Variants in PDE12 observed in about 807,000 individuals in gnomAD.
The protein encoded by PDE12 is phosphodiesterase 12, also known as 2',5'-phosphodiesterase 12.
Under a neutral mutation model 45.4 loss-of-function variants are expected in PDE12, and 26 were observed. That is an observed-to-expected ratio of 0.57 (90% CI 0.42 to 0.79). PDE12 has a LOEUF of 0.79. Ranked by LOEUF, PDE12 falls within the 30% of genes least tolerant of loss-of-function variation. PDE12 has a pLI of 0.00. For synonymous variants in PDE12, 283 were observed against 323.9 expected (o/e 0.87, Z 1.36); for missense variants, 668 against 790.0 (o/e 0.85, Z 1.85).
At chr3:57,632,729 C>A in the PDE12 span, among the ~76,000 whole-genome samples, 1 of 152,134 alleles carries the variant, frequency 6.6e-6, no homozygotes, top group African/African-American at 2.4e-5. Context: ...AATATGACAT[C>A]CTTCTGAATT....
chr3:57,626,775 A>AC, the PDE12 span: 1 of 152,512 alleles, frequency 6.6e-6, no homozygotes, highest in East Asian at 1.9e-4. Context: ...ACCCTACTCT[A>AC]CCAAATCACA....
chr3:57,637,377 A>G, the PDE12 span, among the ~76,000 whole-genome samples: 1 of 152,240 alleles, frequency 6.6e-6, no homozygotes, highest in Admixed American at 6.5e-5. Flanking sequence ...CAATCCCTTT[A>G]TATCAGGAGG....
At chr3:57,588,465 T>C in the PDE12 span, among the ~76,000 whole-genome samples, 3 of 152,192 alleles carry the variant, frequency 2.0e-5, no homozygotes, top group Admixed American at 6.5e-5. Flanking sequence ...CCCAGCATGT[T>C]GGGAGGCTGA....
At chr3:57,622,388 C>T in the PDE12 span, among the ~76,000 whole-genome samples, 9 of 152,204 alleles carry the variant, frequency 5.9e-5, no homozygotes, top group South Asian at 1.7e-3. Flanking sequence ...CAATACAGTA[C>T]CTATTAGAAT....
At chr3:57,591,253 TGTTCATGAATGTTGAA>T in the PDE12 span, among the ~76,000 whole-genome samples, 1 of 148,446 alleles carries the variant, frequency 6.7e-6, no homozygotes. Context: ...CACAAAAACT[TGTTCATGAATGTTGAA>T]GAGCTAGAAA....
At chr3:57,579,142 G>C in the PDE12 span, among the ~76,000 whole-genome samples, 1 of 150,894 alleles carries the variant, frequency 6.6e-6, no homozygotes, top group Non-Finnish European at 1.5e-5. Context: ...ACAAAAATTA[G>C]CCGGGCATGG....
At chr3:57,642,207 A>T in the PDE12 span, among the ~76,000 whole-genome samples, 13 of 150,122 alleles carry the variant, frequency 8.7e-5, no homozygotes, top group Non-Finnish European at 1.5e-5. Context: ...CCAGCTACTC[A>T]GGAGGCTGAG....
chr3:57,644,970 G>A, the PDE12 span, among the ~76,000 whole-genome samples: 1 of 151,968 alleles, frequency 6.6e-6, no homozygotes, highest in Admixed American at 6.6e-5. Flanking sequence ...AAATCAGGAA[G>A]TGGAGATCGT....
chr3:57,599,032 G>A, the PDE12 span, among the ~76,000 whole-genome samples: 1 of 152,136 alleles, frequency 6.6e-6, no homozygotes, highest in African/African-American at 2.4e-5. Flanking sequence ...AGCCTCAGGA[G>A]GTCTTGTAGA....
At chr3:57,587,771 G>A in the PDE12 span, among the ~76,000 whole-genome samples, 337 of 152,036 alleles carry the variant, frequency 2.2e-3, no homozygotes, top group Non-Finnish European at 3.7e-3. Flanking sequence ...AAAATAATGC[G>A]CCCATAATGA....
the PDE12 span, among the ~76,000 whole-genome samples, chr3:57,628,532 G>C: frequency 1.3e-5 from 2 of 152,066 alleles, no homozygotes; most frequent in African/African-American, 4.8e-5. Context: ...TCAATAAAAG[G>C]CTTCTATGTA....
chr3:57,612,116 T>C, the PDE12 span, among the ~76,000 whole-genome samples: 1 of 151,686 alleles, frequency 6.6e-6, no homozygotes, highest in Non-Finnish European at 1.5e-5. Context: ...CTGGAAACCA[T>C]CATTCTCAGC....
chr3:57,568,858 CAAAAA>C (rs10718820), downstream of PDE12, among the ~76,000 whole-genome samples: 2 of 119,168 alleles, frequency 1.7e-5, no homozygotes. Flanking sequence ...ATGTTATGGA[CAAAAA>C]AAAAAAAAAA....
chr3:57,599,237 T>C, the PDE12 span, among the ~76,000 whole-genome samples: 1 of 152,198 alleles, frequency 6.6e-6, no homozygotes, highest in Non-Finnish European at 1.5e-5. Context: ...GTTGCATTCC[T>C]TTGAGTTTCT....
At chr3:57,654,828 G>A in the PDE12 span, 4 of 951,698 alleles carry the variant, frequency 4.2e-6, no homozygotes, top group Admixed American at 1.2e-4. Flanking sequence ...CAGTCTTGGT[G>A]TAAATCTATC....
At chr3:57,588,122 A>G in the PDE12 span, among the ~76,000 whole-genome samples, 4 of 152,232 alleles carry the variant, frequency 2.6e-5, no homozygotes, top group African/African-American at 9.6e-5. Flanking sequence ...ACTAGCCAAG[A>G]TAAGACTAAT....
chr3:57,596,025 C>T, the PDE12 span, among the ~76,000 whole-genome samples: 2 of 151,948 alleles, frequency 1.3e-5, no homozygotes, highest in African/African-American at 4.8e-5. Flanking sequence ...CAAGTTTCAA[C>T]GTTCAAAGTT....
At chr3:57,577,110 C>T in the PDE12 span, among the ~76,000 whole-genome samples, 1 of 151,184 alleles carries the variant, frequency 6.6e-6, no homozygotes, top group Admixed American at 6.6e-5. Flanking sequence ...GAAGTAGCTA[C>T]TCTTCCATGT....
At chr3:57,631,739 T>C in the PDE12 span, among the ~76,000 whole-genome samples, 1 of 142,064 alleles carries the variant, frequency 7.0e-6, no homozygotes, top group East Asian at 2.0e-4. Flanking sequence ...TTTTTTTTTT[T>C]TGAGACGGAG....
Sources: gnomAD v4.1 joint callset for allele counts (sites outside exome capture counted in the v4.1 genomes callset) on GRCh38, gnomAD v4.1.1 for gene constraint, MANE v1.5 for transcripts, NCBI Gene and HGNC (gene_info 2026-07-23, HGNC 2026-07-21) for gene names.